ST6GAL1: variants seen among roughly 807,000 people sequenced by gnomAD.
ST6GAL1 encodes beta-galactoside alpha-2,6-sialyltransferase 1.
Under a neutral mutation model 38.0 loss-of-function variants are expected in ST6GAL1, and 20 were observed. That is an observed-to-expected ratio of 0.53 (90% confidence interval 0.37 to 0.77). The LOEUF is 0.77. Among genes scored for constraint, ST6GAL1 ranks in the 30% least tolerant of loss-of-function variants. ST6GAL1 has a pLI of 0.00. For synonymous variants in ST6GAL1, 196 were observed against 188.2 expected (o/e 1.04, Z -0.34); for missense variants, 432 against 496.4 (o/e 0.87, Z 1.23).
intron 2 of ST6GAL1, among the ~76,000 whole-genome samples, chr3:187,020,092 T>G (rs57898580): frequency 0.015 from 2,270 of 152,100 alleles, 59 homozygotes; most frequent in African/African-American, 0.053. Context: ...AGGTCAGGAA[T>G]TCAAGACCAG....
chr3:187,008,419 A>G (rs957170590), intron 2 of ST6GAL1, among the ~76,000 whole-genome samples: 4 of 152,154 alleles, frequency 2.6e-5, no homozygotes, highest in African/African-American at 9.7e-5. Context: ...ATGACTGTCC[A>G]TTTCTCATCC....
At chr3:186,994,041 A>G (rs985705057) in intron 2 of ST6GAL1, among the ~76,000 whole-genome samples, 6 of 152,096 alleles carry the variant, frequency 3.9e-5, no homozygotes, top group Non-Finnish European at 7.3e-5. Context: ...ACATATTTCT[A>G]TGTGTTGGGA....
At chr3:187,035,759 A>G (rs923215371) in intron 2 of ST6GAL1, among the ~76,000 whole-genome samples, 1 of 152,232 alleles carries the variant, frequency 6.6e-6, no homozygotes, top group Non-Finnish European at 1.5e-5. Context: ...TTAACTCAAG[A>G]TCAATTAAAG....
intron 2 of ST6GAL1, among the ~76,000 whole-genome samples, chr3:186,993,025 C>T (rs1318351264): frequency 2.0e-5 from 3 of 152,206 alleles, no homozygotes; most frequent in African/African-American, 7.2e-5. Context: ...CAGAGGACAG[C>T]TGTTCCCCGC....
chr3:187,015,181 G>A (rs182520638), intron 2 of ST6GAL1, among the ~76,000 whole-genome samples: 4 of 152,326 alleles, frequency 2.6e-5, no homozygotes, highest in Admixed American at 2.0e-4. Flanking sequence ...CAGCCTGAGT[G>A]TGAACTCTCT....
chr3:187,045,088 A>G (rs1718249447), intron 4 of ST6GAL1, among the ~76,000 whole-genome samples: 1 of 152,332 alleles, frequency 6.6e-6, no homozygotes, highest in African/African-American at 2.4e-5. Flanking sequence ...TGCCAGGCCC[A>G]TACACTTCCT....
intron 2 of ST6GAL1, among the ~76,000 whole-genome samples, chr3:186,992,342 C>T (rs917066925): frequency 1.3e-5 from 2 of 152,098 alleles, no homozygotes; most frequent in African/African-American, 2.4e-5. Context: ...CTTTGCCTTG[C>T]ACCATGATTG....
intron 1 of ST6GAL1, among the ~76,000 whole-genome samples, chr3:186,959,987 A>G (rs1305479142): frequency 6.6e-6 from 1 of 151,954 alleles, no homozygotes; most frequent in Non-Finnish European, 1.5e-5. Context: ...TGACAGGTGA[A>G]CCCCTCCTCT....
intron 5 of ST6GAL1, among the ~76,000 whole-genome samples, chr3:187,054,123 T>C (rs1188125814): frequency 6.6e-6 from 1 of 152,216 alleles, no homozygotes; most frequent in Admixed American, 6.5e-5. Flanking sequence ...TGTATAGGAA[T>C]GCTTGTGATG....
At chr3:186,946,307 C>CA (rs879351251) in intron 1 of ST6GAL1, among the ~76,000 whole-genome samples, 93 of 136,638 alleles carry the variant, frequency 6.8e-4, no homozygotes, top group East Asian at 3.4e-3. Context: ...GATTCCATTT[C>CA]AAAAAAAAAA....
intron 2 of ST6GAL1, among the ~76,000 whole-genome samples, chr3:186,988,990 T>C (rs1050546747): frequency 6.6e-6 from 1 of 152,144 alleles, no homozygotes; most frequent in African/African-American, 2.4e-5. Context: ...TTCAACTAAG[T>C]GAGAATCATT....
chr3:187,049,979 T>C (rs981543846), intron 4 of ST6GAL1, among the ~76,000 whole-genome samples: 2 of 152,252 alleles, frequency 1.3e-5, no homozygotes, highest in Admixed American at 6.5e-5. Context: ...CCTTCTCAGA[T>C]AATTTTCAAA....
chr3:186,993,268 A>G (rs2108547030), intron 2 of ST6GAL1, among the ~76,000 whole-genome samples: 1 of 152,332 alleles, frequency 6.6e-6, no homozygotes, highest in East Asian at 1.9e-4. Context: ...ATGCTTTGAT[A>G]GTTCACTCTC....
chr3:186,975,799 AGGCTGGCACTGAAGGAG>A (rs1715501938), intron 2 of ST6GAL1, among the ~76,000 whole-genome samples: 1 of 152,310 alleles, frequency 6.6e-6, no homozygotes, highest in Admixed American at 6.5e-5. Flanking sequence ...GAAGTGAGTG[AGGCTGGCACTGAAGGAG>A]GTCTGGGGGA....
At chr3:186,943,134 A>G (rs1211215528) in intron 1 of ST6GAL1, among the ~76,000 whole-genome samples, 1 of 152,266 alleles carries the variant, frequency 6.6e-6, no homozygotes, top group East Asian at 1.9e-4. Flanking sequence ...GGGTGTGCAC[A>G]GATGATGGGA....
intron 2 of ST6GAL1, among the ~76,000 whole-genome samples, chr3:186,979,076 G>A (rs1715609309): frequency 6.6e-6 from 1 of 152,028 alleles, no homozygotes; most frequent in Non-Finnish European, 1.5e-5. Context: ...GACCTCAGCA[G>A]CAGGAGCTGG....
Position 187,076,941 on chromosome 3 carries a change from ATACC to A in ST6GAL1, c.*1143_*1146del. The A allele has an allele frequency of 2.5e-6, 1 of 396,710 alleles. No individual in the cohort carries two copies. Among genetic ancestry groups the A allele is most frequent in the Non-Finnish European group, 4.4e-6 (1 of 225,780 alleles). The allele number at this position is 396,710 out of a possible 1,614,324, so 24.6% of individuals were successfully genotyped here. On this transcript the variant is annotated 3_prime_UTR_variant, in exon 8 of 8. Transcript: ENST00000169298. ...ATACCAGTCCCATTCTTCCTTTTCA[ATACC>A]TACCCCCAAATCTTCTCCTAACCAC...
intron 5 of ST6GAL1, among the ~76,000 whole-genome samples, chr3:187,058,383 C>T (rs111366628): frequency 0.013 from 1,945 of 152,234 alleles, 51 homozygotes; most frequent in African/African-American, 0.043. Flanking sequence ...TTGTCGATCG[C>T]GCTGGGAGCT....
rs1489718325 is a variant in ST6GAL1, at chr3:186,952,571, C to T, written c.-324-11214C>T. 6.6e-6 allele frequency among the ~76,000 whole-genome samples: 1 copy of T among 152,040 alleles called. No homozygotes were observed. Among genetic ancestry groups the T allele is most frequent in the Non-Finnish European group, 1.5e-5 (1 of 67,994 alleles). On this transcript the variant is annotated intron_variant, in intron 1 of 7. Transcript: ENST00000169298. This position sits in a 1 kb window ranked among gnomAD's most constrained non-coding sequence, Gnocchi z 4.1. Reference sequence around the variant, plus strand: ...CCAGGCTGGAGTGCAGTGGCGCGATCTCAGCTCACTGCAACCTCCGCCTCC... The same window carrying T: ...CCAGGCTGGAGTGCAGTGGCGCGATTTCAGCTCACTGCAACCTCCGCCTCC...
Sources: allele counts gnomAD v4.1 joint callset (sites outside exome capture counted in the v4.1 genomes callset), GRCh38; gene constraint gnomAD v4.1.1; non-coding constraint Gnocchi (gnomAD v3.1); transcripts MANE v1.5; gene names NCBI Gene and HGNC (gene_info 2026-07-23, HGNC 2026-07-21).